Variants in ABAT observed in about 807,000 individuals in gnomAD.
ABAT encodes the protein 4-aminobutyrate aminotransferase, also known as 4-aminobutyrate aminotransferase, mitochondrial.
In ABAT, 45 loss-of-function variants were observed where a neutral mutation model predicts 64.6. The observed-to-expected ratio is 0.70, with a 90% CI of 0.55 to 0.89. The LOEUF is 0.89. Ranked by LOEUF, ABAT falls within the 40% of genes least tolerant of loss-of-function variation. ABAT has a pLI of 0.00. For missense variants in ABAT, 633 were observed against 658.4 expected, an observed-to-expected ratio of 0.96 and a Z score of 0.42; for synonymous variants, 297 against 250.5, an observed-to-expected ratio of 1.19 and a Z score of -1.75.
chr16:8,695,372 G>A (rs1005712273), intron 1 of ABAT, among the ~76,000 whole-genome samples: 1 of 152,298 alleles, frequency 6.6e-6, no homozygotes, highest in East Asian at 1.9e-4. Context: ...TTTCCTGCAG[G>A]ATCCCAATGA....
At chr16:8,694,989 T>C (rs921145885) in intron 1 of ABAT, among the ~76,000 whole-genome samples, 10 of 152,246 alleles carry the variant, frequency 6.6e-5, no homozygotes, top group African/African-American at 2.4e-4. Flanking sequence ...CACTTGATTG[T>C]CAGGCCCAGC....
intron 1 of ABAT, among the ~76,000 whole-genome samples, chr16:8,712,642 C>T (rs1314216048): frequency 1.3e-5 from 2 of 152,132 alleles, no homozygotes; most frequent in African/African-American, 2.4e-5. Flanking sequence ...CCTTGTTCTG[C>T]CCCGATTTGG....
rs74008046 is a variant in ABAT, at chr16:8,744,166, A to C, written c.71-1835A>C. Among the ~76,000 whole-genome samples the C allele has an allele frequency of 3.2e-3, 487 of 152,318 alleles. 4 individuals carry two copies. The highest frequency in any genetic ancestry group is 0.011 in the African/African-American group (460 of 41,574). On this transcript the variant is annotated intron_variant, in intron 2 of 15. Coordinates refer to ENST00000268251, the MANE Select transcript of ABAT (RefSeq NM_020686.6). ...CTGTTCCCGCAATGCTACAAAAAAA[A>C]ATACCTGGGATTGGGTAATTTTTAA...
chr16:8,765,572 G>A (rs1265132751), intron 8 of ABAT, among the ~76,000 whole-genome samples: 1 of 151,900 alleles, frequency 6.6e-6, no homozygotes, highest in African/African-American at 2.4e-5. Flanking sequence ...GGCTGAGGTG[G>A]GAGGATCACT....
At chr16:8,761,200 C>T (rs1381668498) in intron 6 of ABAT, among the ~76,000 whole-genome samples, 1 of 140,812 alleles carries the variant, frequency 7.1e-6, no homozygotes, top group African/African-American at 2.5e-5. Flanking sequence ...CCCCCCATCA[C>T]CTTTCACCTC....
chr16:8,780,593 C>G (rs2060405036), intron 15 of ABAT: 1 of 158,374 alleles, frequency 6.3e-6, no homozygotes, highest in Non-Finnish European at 1.4e-5. Context: ...AAAACCTCAT[C>G]TCTACTGAAA....
chr16:8,735,794 C>T lies in ABAT; in HGVS notation c.55C>T (p.Arg19Cys), dbSNP rs77696190. The T allele has an allele frequency of 6.8e-4, 1,088 of 1,605,756 alleles. 8 individuals carry two copies. In the African/African-American group the frequency reaches 0.011, roughly 16 times the overall value. Residue 19 changes from arginine (R) to cysteine (C), a missense_variant, in exon 2 of 16, where the codon CGC becomes TGC. Physicochemically the swap from Arg to Cys is radical, Grantham distance 180 (BLOSUM62 -3). Coordinates refer to ENST00000268251, the MANE Select transcript of ABAT (RefSeq NM_020686.6). ...RLACSFQHSY[R>C]LLVPGSRHIS... ...GGCCTGCAGCTTCCAGCACAGCTACCGCCTGCTGGTGCCTGGTAAGCCCCG... is the reference window on the plus strand; with the variant it reads ...GGCCTGCAGCTTCCAGCACAGCTACTGCCTGCTGGTGCCTGGTAAGCCCCG...
At chr16:8,682,049 G>A (rs1051529972) in intron 1 of ABAT, among the ~76,000 whole-genome samples, 3 of 152,124 alleles carry the variant, frequency 2.0e-5, no homozygotes, top group Non-Finnish European at 2.9e-5. Flanking sequence ...TCCACGTTGT[G>A]ACAGCCAGAA....
chr16:8,779,444 G>A (rs374820783), intron 14 of ABAT, 35 bp from the exon 15 acceptor site: 6 of 1,575,828 alleles, frequency 3.8e-6, no homozygotes, highest in Non-Finnish European at 5.2e-6. Context: ...ACAGGTGATG[G>A]GCTTTGACGC....
In ABAT at chr16:8,781,277, C is replaced by T. The variant is rs1162179585; in HGVS notation, c.1382-32C>T. 2 of 1,613,538 alleles carry T rather than the reference C, an allele frequency of 1.2e-6. No homozygotes were observed. Among genetic ancestry groups the T allele is most frequent in the African/African-American group, 2.7e-5 (2 of 74,898 alleles). On this transcript the variant is annotated intron_variant, in intron 15 of 15. Coordinates refer to ENST00000268251, the MANE Select transcript of ABAT (RefSeq NM_020686.6). This position sits in a 1 kb window ranked among gnomAD's most constrained non-coding sequence, Gnocchi z 4.5. Reference sequence around the variant, plus strand: ...CTCCCAGCATGTGACTTTGAGAAACCACGCTCCTCACCTACCTCCTGCCTC... The same window carrying T: ...CTCCCAGCATGTGACTTTGAGAAACTACGCTCCTCACCTACCTCCTGCCTC...
intron 5 of ABAT, among the ~76,000 whole-genome samples, chr16:8,753,680 G>C (rs1567304691): frequency 6.6e-6 from 1 of 152,206 alleles, no homozygotes. Context: ...CGAAACAGTT[G>C]GAGAAACCCA....
Position 8,680,340 on chromosome 16 carries a change from G to A in ABAT, c.-42+5629G>A, listed in dbSNP as rs568973852. On this transcript the variant is annotated intron_variant, in intron 1 of 15. Coordinates refer to ENST00000268251, the MANE Select transcript of ABAT (RefSeq NM_020686.6). ...TATGCACACAGTAGATATTCAAGGA[G>A]CATTGACTGAATGCAGAAAAGTATT... Among the ~76,000 whole-genome samples, 40 of 152,344 alleles carry A rather than the reference G, an allele frequency of 2.6e-4. 1 individual carries two copies. In the South Asian group the frequency reaches 8.1e-3, roughly 31 times the overall value.
intron 6 of ABAT, among the ~76,000 whole-genome samples, 154 bp from the exon 7 acceptor site, chr16:8,763,915 G>A (rs1178841620): frequency 6.6e-6 from 1 of 152,182 alleles, no homozygotes; most frequent in African/African-American, 2.4e-5. Flanking sequence ...AAAGGTTTAA[G>A]GAAACCGGCC....
At chr16:8,710,727 A>AGAGAGAGAGAGAGAGAGTGAGAGGGAGG (rs146344975) in intron 1 of ABAT, among the ~76,000 whole-genome samples, 1 of 103,758 alleles carries the variant, frequency 9.6e-6, no homozygotes. Flanking sequence ...AGAGAGAGAG[A>AGAGAGAGAGAGAGAGAGTGAGAGGGAGG]GAGGAAATAG....
intron 1 of ABAT, among the ~76,000 whole-genome samples, chr16:8,715,897 GA>G (rs148653150): frequency 0.18 from 27,431 of 152,092 alleles, 2,828 homozygotes; most frequent in African/African-American, 0.27. Context: ...ATTCAAGGAT[GA>G]AATATCACAA....
At chr16:8,772,196 A>G (rs910040921) in intron 11 of ABAT, among the ~76,000 whole-genome samples, 2 of 147,582 alleles carry the variant, frequency 1.4e-5, no homozygotes, top group African/African-American at 5.2e-5. Flanking sequence ...GCTAATCGTA[A>G]TAGTAGCAGC....
rs1023418726 is a variant in ABAT at position 8,783,103 on chromosome 16, G to A, written c.*1673G>A. Reference sequence around the variant, plus strand: ...CGTTCTTAATCAGGAGTTCTGCCAGGTTTAAGGTCACCTGCACTCCCAGCC... The same window carrying A: ...CGTTCTTAATCAGGAGTTCTGCCAGATTTAAGGTCACCTGCACTCCCAGCC... On this transcript the variant is annotated 3_prime_UTR_variant, in exon 16 of 16. Transcript: ENST00000268251. 5.3e-5 allele frequency: 8 copies of A among 152,080 alleles called. No individual in the cohort carries two copies. Among genetic ancestry groups the A allele is most frequent in the African/African-American group, 1.7e-4 (7 of 41,392 alleles). The allele number at this position is 152,080 out of a possible 1,614,324, so 9.4% of individuals were successfully genotyped here. A position where few individuals can be genotyped will look rare whatever the true frequency, so the allele number is the denominator to read the frequency against.
chr16:8,740,535 C>G (rs1207587430), intron 2 of ABAT, among the ~76,000 whole-genome samples: 1 of 152,198 alleles, frequency 6.6e-6, no homozygotes, highest in Non-Finnish European at 1.5e-5. Flanking sequence ...AATGTGGCAA[C>G]TGCTCCCTCA....
At chr16:8,709,481 C>G (rs1204884663) in intron 1 of ABAT, among the ~76,000 whole-genome samples, 1 of 152,126 alleles carries the variant, frequency 6.6e-6, no homozygotes, top group Non-Finnish European at 1.5e-5. Flanking sequence ...TCAAGCGATT[C>G]TCCTGCTTCA....
Sources: gnomAD v4.1 joint callset for allele counts (sites outside exome capture counted in the v4.1 genomes callset) on GRCh38, gnomAD v4.1.1 for gene constraint, Gnocchi (gnomAD v3.1) non-coding constraint, MANE v1.5 for transcripts, NCBI Gene and HGNC (gene_info 2026-07-23, HGNC 2026-07-21) for gene names.